Variants in TBPL1 observed in about 807,000 individuals in gnomAD.
TBPL1 encodes the protein TATA box-binding protein-like 1.
A neutral mutation model predicts 22.1 loss-of-function variants in TBPL1; 4 were observed. The observed-to-expected ratio is 0.18, with a 90% CI of 0.09 to 0.41. The LOEUF is 0.41. Among genes scored for constraint, TBPL1 ranks in the 10% least tolerant of loss-of-function variants. TBPL1 has a pLI of 1.00. For synonymous variants in TBPL1, 64 were observed against 71.0 expected (o/e 0.90, Z 0.50); for missense variants, 115 against 222.3 (o/e 0.52, Z 3.07).
chr6:133,986,616 T>A (rs543657093), intron 6 of TBPL1, among the ~76,000 whole-genome samples: 1 of 152,326 alleles, frequency 6.6e-6, no homozygotes, highest in East Asian at 1.9e-4. Context: ...CAGATGATAG[T>A]GACTTAAAGG....
At chr6:133,980,478 A>G (rs1776389478) in intron 2 of TBPL1, among the ~76,000 whole-genome samples, 1 of 152,164 alleles carries the variant, frequency 6.6e-6, no homozygotes, top group African/African-American at 2.4e-5. Context: ...CAAAGAACTC[A>G]TTGGTTACAG....
At chr6:133,967,816 T>C (rs1435027778) in intron 1 of TBPL1, among the ~76,000 whole-genome samples, 5 of 152,174 alleles carry the variant, frequency 3.3e-5, no homozygotes, top group Admixed American at 3.3e-4. Context: ...ATTAATTCAG[T>C]ATTGCTGCTT....
At chr6:133,979,969 A>T in intron 1 of TBPL1, 113 bp from the exon 2 acceptor site, 2 of 851,910 alleles carry the variant, frequency 2.3e-6, no homozygotes, top group Non-Finnish European at 3.2e-6. Flanking sequence ...TGATTCTAGT[A>T]ACATTTGAAA....
chr6:133,974,443 C>T (rs1210739529), intron 1 of TBPL1, among the ~76,000 whole-genome samples: 2 of 152,212 alleles, frequency 1.3e-5, no homozygotes, highest in African/African-American at 4.8e-5. Context: ...AAGCAATTCT[C>T]CTTCCTCAGC....
chr6:133,986,599 C>A (rs1776529911), intron 6 of TBPL1, among the ~76,000 whole-genome samples: 1 of 152,168 alleles, frequency 6.6e-6, no homozygotes, highest in Admixed American at 6.5e-5. Context: ...GTAGCCTAAC[C>A]AGAAGCCAGA....
At chr6:133,962,266 G>A (rs1002742524) in intron 1 of TBPL1, among the ~76,000 whole-genome samples, 1 of 152,194 alleles carries the variant, frequency 6.6e-6, no homozygotes, top group Non-Finnish European at 1.5e-5. Context: ...TCTTCAGATA[G>A]GGAGACAATT....
At chr6:133,962,002 G>A (rs1776033324) in intron 1 of TBPL1, among the ~76,000 whole-genome samples, 1 of 152,128 alleles carries the variant, frequency 6.6e-6, no homozygotes, top group Admixed American at 6.5e-5. Context: ...TGGTTCACAT[G>A]AGTTGCATAC....
chr6:133,952,506 CT>C (rs1303862595), upstream of TBPL1: 1 of 152,312 alleles, frequency 6.6e-6, no homozygotes, highest in African/African-American at 2.4e-5. This position sits in a 1 kb window ranked among gnomAD's most constrained non-coding sequence, Gnocchi z 4.5. Flanking sequence ...GCATACGGTC[CT>C]GCGTTATCCC....
At chr6:133,985,591 A>T (rs1471021793) in intron 6 of TBPL1, among the ~76,000 whole-genome samples, 1 of 151,958 alleles carries the variant, frequency 6.6e-6, no homozygotes, top group Non-Finnish European at 1.5e-5. Flanking sequence ...GCTGTGTGAC[A>T]TTTTAATGGT....
chr6:133,984,055 T>C (rs1776464486), intron 4 of TBPL1, among the ~76,000 whole-genome samples: 1 of 152,194 alleles, frequency 6.6e-6, no homozygotes, highest in African/African-American at 2.4e-5. Flanking sequence ...AAATTTTTTT[T>C]CCCTCACTAT....
chr6:133,982,457 A>G, intron 2 of TBPL1, 111 bp from the exon 3 acceptor site: 2 of 793,724 alleles, frequency 2.5e-6, no homozygotes, highest in South Asian at 2.4e-5. Flanking sequence ...CAGTTATTGC[A>G]GTCTTGGATA....
intron 6 of TBPL1, 107 bp downstream of exon 6, chr6:133,984,778 G>T: frequency 2.1e-6 from 2 of 931,046 alleles, no homozygotes; most frequent in Non-Finnish European, 3.3e-6. Context: ...AGTCACTTCT[G>T]CCCTTTAGAG....
At chr6:133,981,924 T>C (rs1776420145) in intron 2 of TBPL1, among the ~76,000 whole-genome samples, 1 of 152,244 alleles carries the variant, frequency 6.6e-6, no homozygotes, top group African/African-American at 2.4e-5. Flanking sequence ...TTTAAATGAA[T>C]TTCCAATTAC....
intron 6 of TBPL1, among the ~76,000 whole-genome samples, chr6:133,985,276 T>TAAAAAAAAAAAAAAAAA (rs1229100828): frequency 1.5e-4 from 2 of 12,918 alleles, no homozygotes; most frequent in Non-Finnish European, 2.5e-4. Flanking sequence ...AGACTCTGTC[T>TAAAAAAAAAAAAAAAAA]AAAAAAAAAA....
Position 133,987,660 on chromosome 6 carries a change from A to ATATATATATATATATATG in TBPL1, c.*627_*628insATATATATATGTATATAT, listed in dbSNP as rs1014795332. 1.6e-4 allele frequency: 23 copies of ATATATATATATATATATG among 145,008 alleles called. No homozygotes were observed. The highest frequency in any genetic ancestry group is 9.3e-4 in the Admixed American group (13 of 14,032). The allele number at this position is 145,008 out of a possible 1,614,324, so 9.0% of individuals were successfully genotyped here. ...TGTGTGTGTGTGTGTATATATATATATATATATGCACCACATGTGTATAGT... is the reference window on the plus strand; with the variant it reads ...TGTGTGTGTGTGTGTATATATATATATATATATATATATATATGTATATATGCACCACATGTGTATAGT... On this transcript the variant is annotated 3_prime_UTR_variant, in exon 7 of 7. Transcript: ENST00000237264.
rs1377702757 is a variant in TBPL1, at chr6:133,988,742, AGT to A, written c.*1705_*1706del. 1 of 152,012 alleles carries A rather than the reference AGT, an allele frequency of 6.6e-6. No homozygotes were observed. The highest frequency in any genetic ancestry group is 1.5e-5 in the Non-Finnish European group (1 of 68,004). 9.4% of individuals were successfully genotyped at this position (152,012 alleles called of 1,614,324 possible). A position where few individuals can be genotyped will look rare whatever the true frequency, so the allele number is the denominator to read the frequency against. On this transcript the variant is annotated 3_prime_UTR_variant, in exon 7 of 7. Transcript: ENST00000237264. ...TATTTTTCCTTTTTTTTAAAAAAAA[AGT>A]GTTTATTTCCTTTATTTTAAGATTC... is the stretch of plus-strand genomic sequence containing the variant.
chr6:133,984,844 TATAA>T, intron 6 of TBPL1, 173 bp downstream of exon 6: 1 of 574,080 alleles, frequency 1.7e-6, no homozygotes, highest in Non-Finnish European at 3.1e-6. Context: ...TTGTACTATT[TATAA>T]ATGTTACACT....
chr6:133,976,923 G>A (rs182618837), intron 1 of TBPL1, among the ~76,000 whole-genome samples: 148 of 149,670 alleles, frequency 9.9e-4, no homozygotes, highest in African/African-American at 3.1e-3. Flanking sequence ...AGCCAAGATC[G>A]CGTCACAGCC....
At chr6:133,984,314 G>A (rs1029606230) in intron 4 of TBPL1, 62 bp from the exon 5 acceptor site, 159 of 1,275,822 alleles carry the variant, frequency 1.2e-4, no homozygotes, top group Non-Finnish European at 1.4e-4. Context: ...TTGCCATTAT[G>A]AGCAGATTTT....
Sources: gnomAD v4.1 joint callset for allele counts (sites outside exome capture counted in the v4.1 genomes callset) on GRCh38, gnomAD v4.1.1 for gene constraint, Gnocchi (gnomAD v3.1) non-coding constraint, MANE v1.5 for transcripts, NCBI Gene and HGNC (gene_info 2026-07-23, HGNC 2026-07-21) for gene names.